The following SAMD5 variants were observed in gnomAD, a reference collection of about 807,000 sequenced individuals.
SAMD5 encodes the protein sterile alpha motif domain containing 5.
SAMD5 carries 13 observed loss-of-function variants against 11.3 expected under a neutral mutation model. The ratio of observed to expected loss-of-function variants is 1.15; its 90% confidence interval spans 0.75 to 1.83. The LOEUF is 1.83. SAMD5 is among the 40% of genes most tolerant of loss of function. The probability of loss-of-function intolerance (pLI) is 0.00; values close to 1 mark genes in which losing one functional copy is unlikely to be tolerated. For missense variants in SAMD5, 255 were observed against 239.1 expected (o/e 1.07, Z -0.44); for synonymous variants, 129 against 111.3 (o/e 1.16, Z -1.00).
intron 1 of SAMD5, among the ~76,000 whole-genome samples, chr6:147,718,736 G>A (rs760993119): frequency 1.3e-5 from 2 of 151,966 alleles, no homozygotes; most frequent in South Asian, 2.1e-4. Flanking sequence ...TGTTGCCAAG[G>A]CTAAAGTACA....
the SAMD5 span, among the ~76,000 whole-genome samples, chr6:147,937,132 C>T: frequency 6.6e-6 from 1 of 152,290 alleles, no homozygotes; most frequent in African/African-American, 2.4e-5. Context: ...ACCAACCCAC[C>T]TTTGTCTCTG....
chr6:147,739,269 T>C (rs1383276754), downstream of SAMD5, among the ~76,000 whole-genome samples: 2 of 152,184 alleles, frequency 1.3e-5, no homozygotes, highest in African/African-American at 4.8e-5. Context: ...CAAAGAATAT[T>C]TGAATAGCAA....
the SAMD5 span, among the ~76,000 whole-genome samples, chr6:147,943,002 G>A: frequency 6.6e-6 from 1 of 151,766 alleles, no homozygotes; most frequent in Admixed American, 6.6e-5. Flanking sequence ...TTTATTTTTA[G>A]TAGAGATGGA....
chr6:147,639,740 T>C (rs907797538), intron 1 of SAMD5, among the ~76,000 whole-genome samples: 3 of 152,264 alleles, frequency 2.0e-5, no homozygotes, highest in Non-Finnish European at 4.4e-5. Context: ...GAATTTTTCA[T>C]GTAAATCATG....
chr6:147,565,210 T>C lies in SAMD5; in HGVS notation c.*754T>C. ...CTATTTTACTTCATAGCTAGTTTCT[T>C]GCACTCTGTGGAGACTGCCAGGGCC... On this transcript the variant is annotated 3_prime_UTR_variant, in exon 2 of 2. Coordinates refer to ENST00000367474, the MANE Select transcript of SAMD5 (RefSeq NM_001030060.3). 1 of 985,912 alleles carries C rather than the reference T, an allele frequency of 1.0e-6. No homozygotes were observed. The highest frequency in any genetic ancestry group is 1.2e-6 in the Non-Finnish European group (1 of 829,980). The allele number at this position is 985,912 out of a possible 1,614,324, so 61.1% of individuals were successfully genotyped here.
chr6:147,906,181 T>C, the SAMD5 span, among the ~76,000 whole-genome samples: 1 of 152,236 alleles, frequency 6.6e-6, no homozygotes, highest in Non-Finnish European at 1.5e-5. Flanking sequence ...ATAGATATTT[T>C]TACTTGAATT....
At chr6:147,833,220 C>T in the SAMD5 span, among the ~76,000 whole-genome samples, 1 of 152,202 alleles carries the variant, frequency 6.6e-6, no homozygotes, top group African/African-American at 2.4e-5. Flanking sequence ...CCTGTACCTG[C>T]AGCTAATTTA....
chr6:147,709,852 T>C (rs1791372097), intron 1 of SAMD5, among the ~76,000 whole-genome samples: 1 of 152,182 alleles, frequency 6.6e-6, no homozygotes, highest in African/African-American at 2.4e-5. Flanking sequence ...AAGGCTTCAT[T>C]TGTGGCCTCG....
chr6:147,839,149 T>G, the SAMD5 span, among the ~76,000 whole-genome samples: 1 of 152,212 alleles, frequency 6.6e-6, no homozygotes, highest in Admixed American at 6.5e-5. Context: ...TACACTCACC[T>G]ACCCTGTTGT....
At chr6:147,673,275 G>A (rs1351753970) in intron 1 of SAMD5, among the ~76,000 whole-genome samples, 2 of 151,464 alleles carry the variant, frequency 1.3e-5, no homozygotes, top group Admixed American at 6.6e-5. Flanking sequence ...GTGCAGTGGC[G>A]TGATCTCTGC....
intron 1 of SAMD5, among the ~76,000 whole-genome samples, chr6:147,589,665 A>T (rs1200372791): frequency 2.0e-5 from 3 of 152,092 alleles, no homozygotes; most frequent in African/African-American, 7.2e-5. Context: ...CATGGGTATG[A>T]CTCCACCATA....
chr6:147,878,612 G>GTATATATATACATGTAT, the SAMD5 span, among the ~76,000 whole-genome samples: 20 of 142,078 alleles, frequency 1.4e-4, 2 homozygotes, highest in Admixed American at 1.4e-3. Context: ...TATCTATATA[G>GTATATATATACATGTAT]ATATATATGT....
chr6:147,608,863 T>C (rs1789740915), intron 1 of SAMD5, among the ~76,000 whole-genome samples: 1 of 152,218 alleles, frequency 6.6e-6, no homozygotes, highest in Admixed American at 6.5e-5. Context: ...TTCTCTATGA[T>C]GTGCTTATTT....
chr6:147,750,845 C>T, the SAMD5 span, among the ~76,000 whole-genome samples: 4 of 152,162 alleles, frequency 2.6e-5, no homozygotes, highest in African/African-American at 4.8e-5. Flanking sequence ...TAGCTTGAAC[C>T]CGGGAGGCAA....
At chr6:147,628,954 C>T (rs1012803584) in intron 1 of SAMD5, among the ~76,000 whole-genome samples, 2 of 152,106 alleles carry the variant, frequency 1.3e-5, no homozygotes, top group African/African-American at 4.8e-5. Context: ...CTCAGGTTTC[C>T]TATTTTTAAA....
the SAMD5 span, among the ~76,000 whole-genome samples, chr6:147,775,616 C>A: frequency 6.6e-6 from 1 of 152,080 alleles, no homozygotes; most frequent in Admixed American, 6.5e-5. Context: ...TCTTTTACTC[C>A]TTTTATGTAT....
the SAMD5 span, among the ~76,000 whole-genome samples, chr6:147,936,699 A>G: frequency 6.6e-6 from 1 of 152,204 alleles, no homozygotes; most frequent in Non-Finnish European, 1.5e-5. Flanking sequence ...ATGATTTTCT[A>G]ACAGAATCAC....
intron 1 of SAMD5, among the ~76,000 whole-genome samples, chr6:147,540,945 T>A (rs949768370): frequency 3.6e-5 from 5 of 139,594 alleles, no homozygotes; most frequent in South Asian, 5.0e-4. Context: ...TTTTTTTTTT[T>A]TTTTTTTTTT....
At chr6:147,873,380 A>AC in the SAMD5 span, among the ~76,000 whole-genome samples, 3 of 152,070 alleles carry the variant, frequency 2.0e-5, no homozygotes, top group African/African-American at 7.2e-5. Context: ...CATCTCAAAA[A>AC]AAAAAAAAAA....
Sources: gnomAD v4.1 joint callset for allele counts (sites outside exome capture counted in the v4.1 genomes callset) on GRCh38, gnomAD v4.1.1 for gene constraint, MANE v1.5 for transcripts, NCBI Gene and HGNC (gene_info 2026-07-23, HGNC 2026-07-21) for gene names.